ZNF282: variants seen among roughly 807,000 people sequenced by gnomAD.
The protein encoded by ZNF282 is zinc finger protein 282.
In ZNF282, 30 loss-of-function variants were observed where a neutral mutation model predicts 61.9. The observed-to-expected ratio is 0.48, with a 90% CI of 0.36 to 0.66. The LOEUF (loss-of-function observed/expected upper bound fraction) is 0.66, where lower values mean the gene tolerates loss of function less well. ZNF282 is among the 30% of genes least tolerant of loss of function. The probability of loss-of-function intolerance (pLI) is 0.00; values close to 1 mark genes in which losing one functional copy is unlikely to be tolerated. For missense variants in ZNF282, 788 were observed against 941.4 expected (o/e 0.84, Z 2.13); for synonymous variants, 396 against 405.0 (o/e 0.98, Z 0.27).
At chr7:149,221,899 G>T (rs1202471838) in intron 7 of ZNF282, among the ~76,000 whole-genome samples, 1 of 152,152 alleles carries the variant, frequency 6.6e-6, no homozygotes, top group African/African-American at 2.4e-5. Context: ...CTAGGCAGAG[G>T]GGTGTGAGCA....
At position 149,224,266 on chromosome 7, in the gene ZNF282, C is replaced by T; in HGVS notation, c.1635C>T (p.Pro545=). Residue 545 remains proline (P), a synonymous_variant, in exon 8 of 8, where the codon CCC becomes CCT. Transcript: ENST00000610704. ...ACCGCAGCCACACCAAGGAGCGGCC[C>T]TACGAGTGCGCTGAGTGCGAGAAGA... ...IHHRSHTKER[P]YECAECEKSF... 1.2e-6 allele frequency: 2 copies of T among 1,612,918 alleles called. No homozygotes were observed. Among genetic ancestry groups the T allele is most frequent in the Non-Finnish European group, 1.7e-6 (2 of 1,179,876 alleles).
At chr7:149,216,099 C>CT (rs1046656035) in intron 7 of ZNF282, among the ~76,000 whole-genome samples, 3 of 151,910 alleles carry the variant, frequency 2.0e-5, no homozygotes, top group Admixed American at 6.6e-5. Context: ...GTTGTTTTAT[C>CT]TTTTTTTTGT....
At chr7:149,208,245 A>G (rs1321278627) in intron 4 of ZNF282, among the ~76,000 whole-genome samples, 1 of 152,084 alleles carries the variant, frequency 6.6e-6, no homozygotes, top group Non-Finnish European at 1.5e-5. Context: ...GCTGGAATGC[A>G]GCGGTGCAAT....
chr7:149,222,622 A>G (rs1381877925), intron 7 of ZNF282, among the ~76,000 whole-genome samples: 3 of 152,150 alleles, frequency 2.0e-5, no homozygotes, highest in Admixed American at 6.5e-5. Context: ...CCCTGTCTCA[A>G]CAAAAATTTA....
rs1482442577 is a variant in ZNF282 at position 149,207,885 on chromosome 7, A to AT, written c.832+417dup. Among the ~76,000 whole-genome samples, 8 of 152,196 alleles carry AT rather than the reference A, an allele frequency of 5.3e-5. No individual in the cohort carries two copies. The East Asian group carries it at 1.6e-3, about 30-fold the overall frequency. On this transcript the variant is annotated intron_variant, in intron 4 of 7. Transcript: ENST00000610704. ...GCCTAATGTACAGCGTCATCACCTC[A>AT]TTCGTCGGCCGACACATGCGGCTCA...
chr7:149,202,697 C>T (rs919282071), intron 2 of ZNF282, among the ~76,000 whole-genome samples: 13 of 151,542 alleles, frequency 8.6e-5, no homozygotes, highest in East Asian at 1.9e-4. Context: ...GTGATCCATC[C>T]GCCTCAGCCT....
Position 149,198,651 on chromosome 7 carries a change from G to A in ZNF282, c.484G>A (p.Gly162Arg), listed in dbSNP as rs756225941. The change falls in exon 2 of 8, where the codon GGG becomes AGG. Residue 162 changes from glycine (G) to arginine (R), a missense_variant. Around this residue, in one of 3 missense-constraint regions of ZNF282, gnomAD observed 92 missense variants for 163.9 expected, o/e 0.56. Coordinates refer to ENST00000610704, the MANE Select transcript of ZNF282 (RefSeq NM_003575.4). This position sits in a 1 kb window ranked among gnomAD's most constrained non-coding sequence, Gnocchi z 4.3. ...AVLGTLLQEY[G>R]LLQRRLENLE... is the part of the protein sequence containing the mutation. Reference sequence around the variant, plus strand: ...GCTGGGGACCCTGCTGCAGGAGTACGGGCTGCTGCAGAGGCGGCTGGAGAA... The same window carrying A: ...GCTGGGGACCCTGCTGCAGGAGTACAGGCTGCTGCAGAGGCGGCTGGAGAA... 3.1e-6 allele frequency: 5 copies of A among 1,614,116 alleles called. No individual in the cohort carries two copies. Among genetic ancestry groups the A allele is most frequent in the Non-Finnish European group, 4.2e-6 (5 of 1,180,046 alleles).
intron 2 of ZNF282, among the ~76,000 whole-genome samples, chr7:149,203,933 C>T (rs1795952881): frequency 6.6e-6 from 1 of 152,160 alleles, no homozygotes; most frequent in African/African-American, 2.4e-5. Flanking sequence ...AATGTAGCAG[C>T]CCAGCCTAAA....
chr7:149,206,212 A>G (rs1428426136), intron 2 of ZNF282, among the ~76,000 whole-genome samples: 1 of 152,214 alleles, frequency 6.6e-6, no homozygotes, highest in Admixed American at 6.5e-5. Context: ...TAGTGAACGA[A>G]GTGGACCAAG....
chr7:149,204,784 G>A (rs1795967308), intron 2 of ZNF282, among the ~76,000 whole-genome samples: 1 of 152,158 alleles, frequency 6.6e-6, no homozygotes, highest in Non-Finnish European at 1.5e-5. Flanking sequence ...ATGAATTGGT[G>A]GTGGATGTCA....
At position 149,212,432 on chromosome 7, in the gene ZNF282, G is replaced by A. The variant is rs149628742; in HGVS notation, c.1027G>A (p.Asp343Asn). 305 of 1,613,178 alleles carry A rather than the reference G, an allele frequency of 1.9e-4. No homozygotes were observed. Among genetic ancestry groups the A allele is most frequent in the Middle Eastern group, 5.0e-4 (3 of 6,060 alleles). Residue 343 changes from aspartate (D) to asparagine (N), a missense_variant, in exon 6 of 8, where the codon GAT becomes AAT. By Grantham distance (23) the Asp-to-Asn change is conservative (BLOSUM62 1). Coordinates refer to ENST00000610704, the MANE Select transcript of ZNF282 (RefSeq NM_003575.4). ...EEHQCVWDQQ[D>N]LADRDIPTDP... is the part of the protein sequence containing the mutation. Reference sequence around the variant, plus strand: ...GCATCAGTGCGTGTGGGATCAGCAGGATTTGGCAGACAGAGATATTCCCAC... The same window carrying A: ...GCATCAGTGCGTGTGGGATCAGCAGAATTTGGCAGACAGAGATATTCCCAC...
chr7:149,224,160 T>A lies in ZNF282; in HGVS notation c.1529T>A (p.Leu510Gln), dbSNP rs1420768198. Reference protein sequence around the residue: ...CPGGLRRSLLLHGARSKPYSC... With the variant: ...CPGGLRRSLLQHGARSKPYSC... ...GGCGGGCTGCGGCGGAGCCTCCTCC[T>A]GCACGGCGCCCGCAGCAAGCCCTAC... The change falls in exon 8 of 8, where the codon CTG becomes CAG. Residue 510 changes from leucine to glutamine, a missense_variant. This residue lies in a region of ZNF282 where 559 missense variants were observed against 642.0 expected (regional missense o/e 0.87). Coordinates refer to ENST00000610704, the MANE Select transcript of ZNF282 (RefSeq NM_003575.4). 1.3e-6 allele frequency: 2 copies of A among 1,570,774 alleles called. No homozygotes were observed. The highest frequency in any genetic ancestry group is 3.4e-5 in the Admixed American group (2 of 58,168).
intron 7 of ZNF282, among the ~76,000 whole-genome samples, chr7:149,219,853 GAAA>G (rs920615608): frequency 2.0e-5 from 3 of 151,696 alleles, no homozygotes; most frequent in Admixed American, 1.3e-4. Context: ...TCTCAAAAAC[GAAA>G]AAGTTTTTCA....
In ZNF282 at chr7:149,210,833, C is replaced by T. The variant is rs143463596; in HGVS notation, c.952+129C>T. On this transcript the variant is annotated intron_variant, in intron 5 of 7. Coordinates refer to ENST00000610704, the MANE Select transcript of ZNF282 (RefSeq NM_003575.4). Reference sequence around the variant, plus strand: ...GAGGGCTGAGCTCGAAATGGAAGGGCTGTGCATCCAGGGCTGGGCTGAGCC... The same window carrying T: ...GAGGGCTGAGCTCGAAATGGAAGGGTTGTGCATCCAGGGCTGGGCTGAGCC... The T allele has an allele frequency of 4.2e-4, 553 of 1,326,398 alleles. 2 individuals are homozygous for T. The highest frequency in any genetic ancestry group is 5.7e-4 in the Middle Eastern group (3 of 5,242). The allele number at this position is 1,326,398 out of a possible 1,614,324, so 82.2% of individuals were successfully genotyped here. A position where few individuals can be genotyped will look rare whatever the true frequency, so the allele number is the denominator to read the frequency against.
intron 7 of ZNF282, among the ~76,000 whole-genome samples, chr7:149,221,056 A>C (rs565225515): frequency 2.0e-4 from 31 of 151,958 alleles, no homozygotes; most frequent in Non-Finnish European, 1.6e-4. Flanking sequence ...AGTAGCTGGG[A>C]CCACAGGCGT....
chr7:149,199,497 G>A (rs1409372059), intron 2 of ZNF282, among the ~76,000 whole-genome samples: 2 of 151,948 alleles, frequency 1.3e-5, no homozygotes, highest in African/African-American at 4.8e-5. Context: ...GCATGTGACT[G>A]TTCTGTCCTG....
At chr7:149,207,576 C>T (rs1405785261) in intron 4 of ZNF282, 106 bp downstream of exon 4, 40 of 1,487,190 alleles carry the variant, frequency 2.7e-5, no homozygotes, top group Non-Finnish European at 3.3e-5. Flanking sequence ...CACCATGGGG[C>T]GAGGGTCTTG....
At chr7:149,215,195 ATTTTTT>A (rs36096302) in intron 7 of ZNF282, among the ~76,000 whole-genome samples, 1 of 90,658 alleles carries the variant, frequency 1.1e-5, no homozygotes, top group Non-Finnish European at 2.1e-5. Flanking sequence ...ATTTCCTGAC[ATTTTTT>A]TTTTTTTTTT....
Position 149,212,318 on chromosome 7 carries a change from C to T in ZNF282, c.953-40C>T, listed in dbSNP as rs546813207. On this transcript the variant is annotated intron_variant, in intron 5 of 7. Coordinates refer to ENST00000610704, the MANE Select transcript of ZNF282 (RefSeq NM_003575.4). Reference sequence around the variant, plus strand: ...AAACACAAACTTGCAGGAGATTTCGCATCTTCTAACACCTTTGCCGCTCTT... The same window carrying T: ...AAACACAAACTTGCAGGAGATTTCGTATCTTCTAACACCTTTGCCGCTCTT... 47 of 1,437,708 alleles carry T rather than the reference C, an allele frequency of 3.3e-5. No individual in the cohort carries two copies. The South Asian group carries it at 5.1e-4, about 16-fold the overall frequency. 89.1% of individuals were successfully genotyped at this position (1,437,708 alleles called of 1,614,324 possible).
Sources: allele counts gnomAD v4.1 joint callset (sites outside exome capture counted in the v4.1 genomes callset), GRCh38; gene constraint gnomAD v4.1.1; regional missense constraint gnomAD v4.1.1; non-coding constraint Gnocchi (gnomAD v3.1); transcripts MANE v1.5; gene names NCBI Gene and HGNC (gene_info 2026-07-23, HGNC 2026-07-21).